PRKD3: variants seen among roughly 807,000 people sequenced by gnomAD.
PRKD3 encodes the protein serine/threonine-protein kinase D3.
PRKD3 carries 47 observed loss-of-function variants against 99.2 expected under a neutral mutation model. That is an observed-to-expected ratio of 0.47 (90% confidence interval 0.38 to 0.60). The LOEUF is 0.60. Ranked by LOEUF, PRKD3 falls within the 20% of genes least tolerant of loss-of-function variation. The pLI, the probability that PRKD3 is intolerant of heterozygous loss-of-function variation, is 0.00. For missense variants in PRKD3, 1,019 were observed against 1,088.4 expected (o/e 0.94, Z 0.90); for synonymous variants, 392 against 355.4 (o/e 1.10, Z -1.16).
At chr2:37,260,494 G>A (rs1668341345) in intron 14 of PRKD3, 110 bp from the exon 15 acceptor site, 4 of 986,366 alleles carry the variant, frequency 4.1e-6, no homozygotes, top group Middle Eastern at 2.3e-4. Flanking sequence ...GCCTAGAGAA[G>A]TAAACAAAGC....
chr2:37,269,781 TTA>T (rs1231589133), intron 12 of PRKD3, 94 bp from the exon 13 acceptor site: 1 of 863,144 alleles, frequency 1.2e-6, no homozygotes, highest in Non-Finnish European at 1.8e-6. Context: ...CAATACATTT[TTA>T]TGTTAGAAGC....
chr2:37,269,751 C>T (rs1013864292), intron 12 of PRKD3, 64 bp from the exon 13 acceptor site: 12 of 1,156,002 alleles, frequency 1.0e-5, no homozygotes, highest in East Asian at 2.4e-5. Context: ...ACATCTCTGA[C>T]TTTCTTCATC....
At chr2:37,277,815 AAACTCAT>A in intron 9 of PRKD3, 44 bp downstream of exon 9, 1 of 1,586,374 alleles carries the variant, frequency 6.3e-7, no homozygotes, top group Non-Finnish European at 8.6e-7. Context: ...GCACAGAATG[AAACTCAT>A]AACAAAGTCT....
At position 37,253,289 on chromosome 2, in the gene PRKD3, G is replaced by T; in HGVS notation, c.2561C>A (p.Thr854Lys). 1 of 1,612,958 alleles carries T rather than the reference G, an allele frequency of 6.2e-7. No individual in the cohort carries two copies. The highest frequency in any genetic ancestry group is 8.5e-7 in the Non-Finnish European group (1 of 1,179,150). ...CCAGCGAGCATCATCACTTTCATGT[G>T]TAATGTAACGTTCTCCAATGCGAGT... ...FETRIGERYI[T>K]HESDDARWEI... The change falls in exon 19 of 19, where the codon ACA becomes AAA. Residue 854 changes from threonine (T) to lysine (K), a missense_variant. Coordinates refer to ENST00000234179, the MANE Select transcript of PRKD3 (RefSeq NM_005813.6).
chr2:37,286,513 T>A (rs1670103253), intron 5 of PRKD3, 144 bp from the exon 6 acceptor site: 2 of 641,376 alleles, frequency 3.1e-6, no homozygotes, highest in African/African-American at 1.8e-5. Context: ...TCCTTTGCAA[T>A]GTTTAATTTA....
chr2:37,276,476 CTG>C (rs1241416663), intron 9 of PRKD3, among the ~76,000 whole-genome samples: 2 of 151,996 alleles, frequency 1.3e-5, no homozygotes, highest in African/African-American at 4.8e-5. Flanking sequence ...GTGAAACTCT[CTG>C]TTCATATTCT....
chr2:37,262,028 T>G (rs755525621), intron 14 of PRKD3, among the ~76,000 whole-genome samples: 4 of 152,222 alleles, frequency 2.6e-5, no homozygotes, highest in Non-Finnish European at 2.9e-5. Context: ...GTGCTTAAGG[T>G]AGGCTACACG....
At chr2:37,291,157 ACT>A (rs1436629304) in intron 3 of PRKD3, among the ~76,000 whole-genome samples, 158 bp from the exon 4 acceptor site, 31 of 152,242 alleles carry the variant, frequency 2.0e-4, no homozygotes, top group African/African-American at 6.7e-4. Flanking sequence ...GTGATTTCAA[ACT>A]CTAGTTTAGC....
At position 37,251,663 on chromosome 2, in the gene PRKD3, A is replaced by G. The variant is rs889545903; in HGVS notation, c.*1514T>C. The G allele has an allele frequency of 2.0e-5, 3 of 151,784 alleles. No individual in the cohort carries two copies. Among genetic ancestry groups the G allele is most frequent in the African/African-American group, 2.4e-5 (1 of 41,278 alleles). The allele number at this position is 151,784 out of a possible 1,614,324, so 9.4% of individuals were successfully genotyped here. A position where few individuals can be genotyped will look rare whatever the true frequency, so the allele number is the denominator to read the frequency against. ...AATTCGGTGGGCAACGATAGTTAAC[A>G]CTTTCCTAGTTTTTAGTTTATTTGA... On this transcript the variant is annotated 3_prime_UTR_variant, in exon 19 of 19. Coordinates refer to ENST00000234179, the MANE Select transcript of PRKD3 (RefSeq NM_005813.6).
intron 2 of PRKD3, among the ~76,000 whole-genome samples, chr2:37,295,367 G>C (rs561829072): frequency 1.3e-5 from 2 of 152,124 alleles, no homozygotes; most frequent in East Asian, 3.9e-4. Context: ...TGATACTTGA[G>C]CAGAACTAAA....
chr2:37,258,360 C>A (rs1035153520), intron 16 of PRKD3, among the ~76,000 whole-genome samples: 2 of 152,092 alleles, frequency 1.3e-5, no homozygotes, highest in African/African-American at 4.8e-5. Flanking sequence ...AATACAAACT[C>A]TTTTTTTGTT....
At chr2:37,324,631 G>GCGGCGC (rs1292733233) in intron 1 of PRKD3, 50 bp downstream of exon 1, 1 of 151,846 alleles carries the variant, frequency 6.6e-6, no homozygotes, top group East Asian at 1.9e-4. Flanking sequence ...GGCGGCGGCG[G>GCGGCGC]CGCGAACTTT....
Position 37,312,169 on chromosome 2 carries a change from G to A in PRKD3, c.288+4068C>T, listed in dbSNP as rs1671455393. On this transcript the variant is annotated intron_variant, in intron 2 of 18. Transcript: ENST00000234179. ...ATAAGAGTAATCAGAAAATCTTGTG[G>A]GCTGTTCAAAAGCAGACTGGTTAAG... Among the ~76,000 whole-genome samples, 3 of 152,080 alleles carry A rather than the reference G, an allele frequency of 2.0e-5. No individual in the cohort carries two copies. In the South Asian group the frequency reaches 6.2e-4, roughly 32 times the overall value.
Position 37,251,737 on chromosome 2 carries a change from G to C in PRKD3, c.*1440C>G, listed in dbSNP as rs545541234. 1.3e-5 allele frequency: 2 copies of C among 152,138 alleles called. No individual in the cohort carries two copies. The highest frequency in any genetic ancestry group is 2.1e-4 in the South Asian group (1 of 4,820). The allele number at this position is 152,138 out of a possible 1,614,324, so 9.4% of individuals were successfully genotyped here. A position where few individuals can be genotyped will look rare whatever the true frequency, so the allele number is the denominator to read the frequency against. ...TCACGACAACACTGTGACAAAGGGA[G>C]AGGCAAGAATGATAATCTTCATTTT... On this transcript the variant is annotated 3_prime_UTR_variant, in exon 19 of 19. Transcript: ENST00000234179.
intron 5 of PRKD3, among the ~76,000 whole-genome samples, chr2:37,286,779 C>G (rs1057118267): frequency 2.6e-5 from 4 of 152,082 alleles, no homozygotes; most frequent in African/African-American, 7.2e-5. Context: ...TATCTTAATA[C>G]TAAAATATAT....
intron 12 of PRKD3, among the ~76,000 whole-genome samples, chr2:37,271,301 T>C (rs1448479431): frequency 6.6e-5 from 10 of 152,230 alleles, no homozygotes; most frequent in African/African-American, 2.2e-4. Context: ...CTTTTTTGTA[T>C]GGCCCCGATC....
At chr2:37,274,058 G>A (rs891695394) in intron 11 of PRKD3, among the ~76,000 whole-genome samples, 6 of 152,050 alleles carry the variant, frequency 3.9e-5, no homozygotes, top group African/African-American at 9.7e-5. Context: ...GAGACTTTAC[G>A]GATGCCAAGC....
chr2:37,301,195 T>A (rs1043518739), intron 2 of PRKD3, among the ~76,000 whole-genome samples: 1 of 152,198 alleles, frequency 6.6e-6, no homozygotes, highest in Admixed American at 6.5e-5. Flanking sequence ...CTTTAATAAG[T>A]CCTGAACAAC....
chr2:37,319,339 AC>A (rs1232203348), intron 1 of PRKD3, among the ~76,000 whole-genome samples: 1 of 152,210 alleles, frequency 6.6e-6, no homozygotes. Flanking sequence ...GAAAGTCTTT[AC>A]GGAACTGCCT....
Sources: gnomAD v4.1 joint callset for allele counts (sites outside exome capture counted in the v4.1 genomes callset) on GRCh38, gnomAD v4.1.1 for gene constraint, MANE v1.5 for transcripts, NCBI Gene and HGNC (gene_info 2026-07-23, HGNC 2026-07-21) for gene names.